Variants in SRGAP2 observed in about 807,000 individuals in gnomAD.
SRGAP2 encodes SLIT-ROBO Rho GTPase-activating protein 2.
A neutral mutation model predicts 57.2 loss-of-function variants in SRGAP2; 15 were observed. That is an observed-to-expected ratio of 0.26 (90% confidence interval 0.18 to 0.40). The LOEUF is 0.40. Among genes scored for constraint, SRGAP2 ranks in the 10% least tolerant of loss-of-function variants. SRGAP2 has a pLI of 1.00. For synonymous variants in SRGAP2, 249 were observed against 248.0 expected, an observed-to-expected ratio of 1.00 and a Z score of -0.04; for missense variants, 520 against 669.6, an observed-to-expected ratio of 0.78 and a Z score of 2.47.
chr1:206,241,790 G>T (rs528755831), intron 2 of SRGAP2, among the ~76,000 whole-genome samples: 2 of 151,192 alleles, frequency 1.3e-5, no homozygotes, highest in East Asian at 1.9e-4. Context: ...AAAGATGAGG[G>T]TTTTTCTTGA....
chr1:206,453,015 C>T (rs1663469920), intron 19 of SRGAP2, among the ~76,000 whole-genome samples, 185 bp from the exon 20 acceptor site: 1 of 151,822 alleles, frequency 6.6e-6, no homozygotes, highest in Admixed American at 6.6e-5. Flanking sequence ...AAGGTGATAC[C>T]AGTGCTTTCA....
At chr1:206,312,392 CGCT>C (rs1486850848) in intron 3 of SRGAP2, 2 of 152,280 alleles carry the variant, frequency 1.3e-5, no homozygotes, top group African/African-American at 4.8e-5. Context: ...TAGGGATGGA[CGCT>C]GCTGAACTGC....
intron 21 of SRGAP2, 177 bp from the exon 22 acceptor site, chr1:206,458,446 G>A (rs1553379197): frequency 2.8e-6 from 2 of 715,276 alleles, no homozygotes; most frequent in Non-Finnish European, 5.2e-6. Context: ...GCTTGGGGGT[G>A]GCAAGGGAAT....
intron 3 of SRGAP2, among the ~76,000 whole-genome samples, chr1:206,309,761 G>C (rs1421601749): frequency 1.3e-5 from 2 of 151,622 alleles, no homozygotes; most frequent in African/African-American, 4.9e-5. Flanking sequence ...TGAGGTAAGA[G>C]GTTATGACTG....
intron 11 of SRGAP2, among the ~76,000 whole-genome samples, chr1:206,416,260 GTAGAGAGGCTGAGGGGTTATTTATTCTC>G (rs1370761936): frequency 6.6e-6 from 1 of 152,150 alleles, no homozygotes; most frequent in Non-Finnish European, 1.5e-5. Flanking sequence ...CACGACTAGG[GTAGAGAGGCTGAGGGGTTATTTATTCTC>G]CAGACACTTT....
chr1:206,372,945 TTC>T (rs1654712933), intron 4 of SRGAP2, among the ~76,000 whole-genome samples: 1 of 8,826 alleles, frequency 1.1e-4, no homozygotes, highest in African/African-American at 1.4e-3. Context: ...CTTTCTTTCT[TTC>T]TTTCTTTCTT....
intron 2 of SRGAP2, among the ~76,000 whole-genome samples, chr1:206,239,543 C>A (rs1553308671): frequency 6.6e-6 from 1 of 152,042 alleles, no homozygotes. Context: ...CTGCAACCTC[C>A]GCCTCCTGGG....
At chr1:206,226,380 C>T (rs1388111497) in intron 2 of SRGAP2, among the ~76,000 whole-genome samples, 2 of 152,124 alleles carry the variant, frequency 1.3e-5, no homozygotes, top group African/African-American at 4.8e-5. Flanking sequence ...TAAATTCTTT[C>T]TGTGTAACAG....
chr1:206,393,513 A>AG (rs1169843626), intron 6 of SRGAP2, 32 bp from the exon 7 acceptor site: 1 of 760,558 alleles, frequency 1.3e-6, no homozygotes, highest in Admixed American at 1.8e-5. Context: ...TAAAAAAAAA[A>AG]AGGTAAAAGT....
chr1:206,241,911 C>CGCGT (rs1553309288), intron 2 of SRGAP2, among the ~76,000 whole-genome samples: 1 of 104,564 alleles, frequency 9.6e-6, no homozygotes, highest in African/African-American at 4.4e-5. Flanking sequence ...GAGGTGTTTG[C>CGCGT]GTGTGTGTGT....
At chr1:206,433,643 A>T (rs1383356967) in intron 14 of SRGAP2, among the ~76,000 whole-genome samples, 1 of 152,064 alleles carries the variant, frequency 6.6e-6, no homozygotes, top group African/African-American at 2.4e-5. Context: ...CTCAAAAAAA[A>T]AAAAAAGATA....
intron 4 of SRGAP2, among the ~76,000 whole-genome samples, chr1:206,375,163 C>T (rs1266833700): frequency 6.7e-6 from 1 of 150,176 alleles, no homozygotes; most frequent in African/African-American, 2.5e-5. Flanking sequence ...TGGCTCTTTC[C>T]CCCGATTCTC....
At chr1:206,432,342 A>G (rs942370081) in intron 14 of SRGAP2, among the ~76,000 whole-genome samples, 2 of 152,204 alleles carry the variant, frequency 1.3e-5, no homozygotes, top group Admixed American at 6.5e-5. Context: ...GCAAACTGAT[A>G]CAACTCTTTG....
At chr1:206,298,370 G>A (rs1671700315) in intron 2 of SRGAP2, among the ~76,000 whole-genome samples, 1 of 152,210 alleles carries the variant, frequency 6.6e-6, no homozygotes, top group South Asian at 2.1e-4. Context: ...ATACACACAG[G>A]GAAATGGAAA....
intron 13 of SRGAP2, among the ~76,000 whole-genome samples, chr1:206,427,033 C>G (rs1389982393): frequency 6.6e-6 from 1 of 151,768 alleles, no homozygotes; most frequent in Admixed American, 6.6e-5. Flanking sequence ...CTCAAAAAAT[C>G]TTTGCCCAGA....
intron 3 of SRGAP2, among the ~76,000 whole-genome samples, chr1:206,307,121 T>C (rs1484053928): frequency 4.8e-3 from 566 of 116,748 alleles, no homozygotes; most frequent in Middle Eastern, 0.022. Flanking sequence ...TTGGTGCACT[T>C]ACAAACCTTG....
chr1:206,210,403 C>CTTTTTTTT (rs71568077), intron 2 of SRGAP2, among the ~76,000 whole-genome samples: 67 of 31,772 alleles, frequency 2.1e-3, no homozygotes, highest in East Asian at 3.4e-3. Flanking sequence ...GGGGTCTTGT[C>CTTTTTTTT]TTTTTTTTTT....
chr1:206,445,224 C>A (rs1553373341), intron 17 of SRGAP2, among the ~76,000 whole-genome samples: 1 of 152,218 alleles, frequency 6.6e-6, no homozygotes, highest in African/African-American at 2.4e-5. Context: ...GCCCTCAATG[C>A]CTGGACGGGC....
intron 22 of SRGAP2, among the ~76,000 whole-genome samples, chr1:206,460,594 TC>T (rs1664177101): frequency 1.3e-5 from 2 of 152,116 alleles, no homozygotes; most frequent in South Asian, 4.1e-4. Context: ...AGATCATACA[TC>T]ATCTCTACCA....
Sources: gnomAD v4.1 joint callset for allele counts (sites outside exome capture counted in the v4.1 genomes callset) on GRCh38, gnomAD v4.1.1 for gene constraint, MANE v1.5 for transcripts, NCBI Gene and HGNC (gene_info 2026-07-23, HGNC 2026-07-21) for gene names.